Variants in CPEB2 observed in about 807,000 individuals in gnomAD.
CPEB2 encodes cytoplasmic polyadenylation element binding protein 2.
In CPEB2, 56 loss-of-function variants were observed where a neutral mutation model predicts 93.6. That is an observed-to-expected ratio of 0.60 (90% CI 0.48 to 0.75). The LOEUF is 0.75. Among genes scored for constraint, CPEB2 ranks in the 30% least tolerant of loss-of-function variants. CPEB2 has a pLI of 0.00. For missense variants in CPEB2, 1,579 were observed against 1,395.1 expected (o/e 1.13, Z -2.10); for synonymous variants, 764 against 586.3 (o/e 1.30, Z -4.38).
Position 15,007,247 on chromosome 4 carries a change from T to A in CPEB2, c.1663-58T>A, listed in dbSNP as rs903065060. The A allele has an allele frequency of 5.1e-6, 7 of 1,371,490 alleles. No homozygotes were observed. The African/African-American group carries it at 1.0e-4, about 20-fold the overall frequency. 85.0% of individuals were successfully genotyped at this position (1,371,490 alleles called of 1,614,324 possible). On this transcript the variant is annotated intron_variant, in intron 1 of 11. Coordinates refer to ENST00000538197, the MANE Select transcript of CPEB2 (RefSeq NM_001177382.2). Reference sequence around the variant, plus strand: ...AATTCTTAGGTCTGAAATTTGAATTTGAATTTGAATTGTAAATTCTTTAAA... The same window carrying A: ...AATTCTTAGGTCTGAAATTTGAATTAGAATTTGAATTGTAAATTCTTTAAA...
At position 15,017,293 on chromosome 4, in the gene CPEB2, A is replaced by C. The variant is rs532841475; in HGVS notation, c.2125+15A>C. 3.6e-6 allele frequency: 5 copies of C among 1,379,022 alleles called. No homozygotes were observed. In the East Asian group the frequency reaches 1.2e-4, roughly 32 times the overall value. The allele number at this position is 1,379,022 out of a possible 1,614,324, so 85.4% of individuals were successfully genotyped here. On this transcript the variant is annotated intron_variant, in intron 4 of 11. Coordinates refer to ENST00000538197, the MANE Select transcript of CPEB2 (RefSeq NM_001177382.2). ...TCCTCTTAAGGGTAGGTGACTTTTT[A>C]AAAAAATATATGTTTATATTATACA...
intron 8 of CPEB2, among the ~76,000 whole-genome samples, chr4:15,057,479 T>G (rs1184231750): frequency 1.3e-5 from 2 of 152,180 alleles, no homozygotes; most frequent in East Asian, 3.9e-4. Context: ...TGATGTCTGC[T>G]TTGTACTGGG....
intron 4 of CPEB2, among the ~76,000 whole-genome samples, chr4:15,029,610 A>G (rs1041757794): frequency 3.3e-5 from 5 of 152,072 alleles, no homozygotes; most frequent in African/African-American, 1.2e-4. Context: ...CAGGTTTATT[A>G]CTAGATGACT....
chr4:15,051,081 T>C (rs955853159), intron 6 of CPEB2, among the ~76,000 whole-genome samples: 1 of 152,190 alleles, frequency 6.6e-6, no homozygotes, highest in Admixed American at 6.6e-5. Context: ...AAGTCTTCCT[T>C]AGATCTCTCC....
At chr4:15,041,476 C>T (rs1323328259) in intron 6 of CPEB2, among the ~76,000 whole-genome samples, 2 of 151,666 alleles carry the variant, frequency 1.3e-5, no homozygotes, top group East Asian at 3.9e-4. Context: ...GATCTCGGCT[C>T]ACCACAACCT....
At chr4:15,013,902 A>G (rs1397516348) in intron 3 of CPEB2, among the ~76,000 whole-genome samples, 1 of 152,044 alleles carries the variant, frequency 6.6e-6, no homozygotes, top group African/African-American at 2.4e-5. Flanking sequence ...AAGAGACCTT[A>G]TAAGTAGGCA....
chr4:15,049,661 T>G (rs1728035960), intron 6 of CPEB2, among the ~76,000 whole-genome samples: 1 of 152,218 alleles, frequency 6.6e-6, no homozygotes, highest in Admixed American at 6.5e-5. Context: ...TGACATTTTG[T>G]TTTACATTGC....
intron 6 of CPEB2, among the ~76,000 whole-genome samples, chr4:15,045,443 G>C (rs886299839): frequency 6.6e-6 from 1 of 151,938 alleles, no homozygotes; most frequent in Non-Finnish European, 1.5e-5. Context: ...TTTTAATTTA[G>C]ACTCATGGGA....
chr4:15,004,180 C>T lies in CPEB2; in HGVS notation c.1507C>T (p.Pro503Ser). 6.9e-7 allele frequency: 1 copy of T among 1,455,676 alleles called. No individual in the cohort carries two copies. The highest frequency in any genetic ancestry group is 9.0e-7 in the Non-Finnish European group (1 of 1,113,630). 90.2% of individuals were successfully genotyped at this position (1,455,676 alleles called of 1,614,324 possible). ...SATAVPPPPP[P>S]AMNIPQQQPP... ...TACCGCTGTGCCCCCTCCGCCGCCGCCCGCCATGAATATACCTCAACAGCA... is the reference window on the plus strand; with the variant it reads ...TACCGCTGTGCCCCCTCCGCCGCCGTCCGCCATGAATATACCTCAACAGCA... The change falls in exon 1 of 12, where the codon CCC (proline) becomes TCC (serine). Residue 503 changes from proline (P) to serine (S), a missense_variant. Coordinates refer to ENST00000538197, the MANE Select transcript of CPEB2 (RefSeq NM_001177382.2).
At chr4:15,044,660 G>A (rs368893414) in intron 6 of CPEB2, among the ~76,000 whole-genome samples, 3 of 152,058 alleles carry the variant, frequency 2.0e-5, no homozygotes, top group Non-Finnish European at 4.4e-5. Context: ...AATCATACCC[G>A]AGTGTATTTG....
At chr4:15,053,785 T>C (rs987819838) in intron 7 of CPEB2, among the ~76,000 whole-genome samples, 22 of 152,188 alleles carry the variant, frequency 1.4e-4, no homozygotes, top group Non-Finnish European at 2.8e-4. Context: ...TAATAGATTT[T>C]ATTTATATAT....
chr4:15,060,627 G>A (rs1244680942), intron 10 of CPEB2, among the ~76,000 whole-genome samples: 1 of 152,106 alleles, frequency 6.6e-6, no homozygotes, highest in Admixed American at 6.6e-5. Context: ...CAGATAGGGA[G>A]GGAAGATTGT....
At position 15,002,849 on chromosome 4, in the gene CPEB2, T is replaced by C. The variant is rs1233629718; in HGVS notation, c.176T>C (p.Leu59Ser). Residue 59 changes from leucine to serine, a missense_variant, in exon 1 of 12, where the codon TTA becomes TCA. Around this residue, in one of 2 missense-constraint regions of CPEB2, gnomAD observed 1,411 missense variants for 1,056.0 expected, o/e 1.34. Transcript: ENST00000538197. ...SPPPLPVTGF[L>S]EAASPFSVPL... Reference sequence around the variant, plus strand: ...CCACCGTTGCCTGTCACCGGCTTCTTAGAGGCCGCCTCCCCCTTCTCCGTC... The same window carrying C: ...CCACCGTTGCCTGTCACCGGCTTCTCAGAGGCCGCCTCCCCCTTCTCCGTC... The C allele has an allele frequency of 6.5e-7, 1 of 1,534,670 alleles. No individual in the cohort carries two copies. The highest frequency in any genetic ancestry group is 8.7e-7 in the Non-Finnish European group (1 of 1,146,416).
intron 3 of CPEB2, among the ~76,000 whole-genome samples, chr4:15,014,066 A>G (rs1057364946): frequency 1.3e-5 from 2 of 152,068 alleles, no homozygotes; most frequent in African/African-American, 4.8e-5. Context: ...AATATTGTCC[A>G]TGACCCGAGC....
intron 5 of CPEB2, among the ~76,000 whole-genome samples, chr4:15,035,433 C>T (rs1344527338): frequency 6.6e-6 from 1 of 152,034 alleles, no homozygotes. Flanking sequence ...TGAATTCATT[C>T]ATGTAAAGTA....
intron 4 of CPEB2, among the ~76,000 whole-genome samples, chr4:15,031,656 C>G (rs1464701911): frequency 6.6e-6 from 1 of 151,968 alleles, no homozygotes; most frequent in Non-Finnish European, 1.5e-5. Context: ...CTTATTTTAC[C>G]TGTGTTGAGT....
intron 8 of CPEB2, among the ~76,000 whole-genome samples, chr4:15,057,679 A>G (rs535337620): frequency 2.6e-5 from 4 of 152,292 alleles, no homozygotes; most frequent in Admixed American, 6.5e-5. Context: ...AAGATTGACA[A>G]TTGGTTGTTT....
chr4:15,056,144 T>G (rs1262223780), intron 8 of CPEB2, among the ~76,000 whole-genome samples: 1 of 152,232 alleles, frequency 6.6e-6, no homozygotes, highest in Non-Finnish European at 1.5e-5. Context: ...ATTCACGGAT[T>G]GTTAACTGCC....
intron 4 of CPEB2, among the ~76,000 whole-genome samples, chr4:15,029,112 C>T (rs1264462804): frequency 6.6e-6 from 1 of 151,934 alleles, no homozygotes; most frequent in Non-Finnish European, 1.5e-5. Context: ...TACTTTAAAT[C>T]GTCTCTAGAT....
Sources: allele counts gnomAD v4.1 joint callset (sites outside exome capture counted in the v4.1 genomes callset), GRCh38; gene constraint gnomAD v4.1.1; regional missense constraint gnomAD v4.1.1; transcripts MANE v1.5; gene names NCBI Gene and HGNC (gene_info 2026-07-23, HGNC 2026-07-21).